Variants in GRK5 observed in about 807,000 individuals in gnomAD.
GRK5 encodes G protein-coupled receptor kinase 5.
GRK5 carries 40 observed loss-of-function variants against 78.4 expected under a neutral mutation model. The observed-to-expected ratio is 0.51, with a 90% CI of 0.40 to 0.66. The LOEUF (loss-of-function observed/expected upper bound fraction) is 0.66. Ranked by LOEUF, GRK5 falls within the 30% of genes least tolerant of loss-of-function variation. The pLI is 0.00. For synonymous variants in GRK5, 289 were observed against 296.8 expected (o/e 0.97, Z 0.27); for missense variants, 598 against 759.9 (o/e 0.79, Z 2.50).
chr10:119,254,058 C>T (rs1421372028), intron 1 of GRK5, among the ~76,000 whole-genome samples: 1 of 152,212 alleles, frequency 6.6e-6, no homozygotes, highest in Admixed American at 6.5e-5. Context: ...TTAAACCAAA[C>T]CACACCACAG....
At chr10:119,272,546 AG>A (rs1350605677) in intron 1 of GRK5, among the ~76,000 whole-genome samples, 7 of 144,610 alleles carry the variant, frequency 4.8e-5, no homozygotes, top group Admixed American at 2.2e-4. Context: ...GTTGCACTCC[AG>A]CCTGGATGAC....
chr10:119,256,901 ACCACGGTCCCTGGCAACCGCCAAT>A (rs1564865981), intron 1 of GRK5, among the ~76,000 whole-genome samples: 1 of 152,084 alleles, frequency 6.6e-6, no homozygotes, highest in East Asian at 1.9e-4. Flanking sequence ...ACTTGCCCCT[ACCACGGTCCCTGGCAACCGCCAAT>A]CTGGGTTGTC....
chr10:119,417,137 C>G (rs891643624), intron 4 of GRK5, among the ~76,000 whole-genome samples: 3 of 152,232 alleles, frequency 2.0e-5, no homozygotes, highest in African/African-American at 7.2e-5. Flanking sequence ...GGGCTGTCGC[C>G]TGCCCTTGTG....
rs1047807584 is a variant in GRK5 at position 119,445,386 on chromosome 10, G to C, written c.1266+1634G>C. On this transcript the variant is annotated intron_variant, in intron 12 of 15. Coordinates refer to ENST00000392870, the MANE Select transcript of GRK5 (RefSeq NM_005308.3). This position sits in a 1 kb window ranked among gnomAD's most constrained non-coding sequence, Gnocchi z 4.1. ...TTGAGAGATCTCAGCAGGGATATGG[G>C]ACGTACTAAGAGGATGACGAGGCGG... 1.5e-4 allele frequency among the ~76,000 whole-genome samples: 23 copies of C among 152,114 alleles called. No individual in the cohort carries two copies. Among genetic ancestry groups the C allele is most frequent in the African/African-American group, 5.1e-4 (21 of 41,416 alleles).
chr10:119,443,806 G>A, intron 12 of GRK5, 54 bp downstream of exon 12: 1 of 1,459,670 alleles, frequency 6.9e-7, no homozygotes, highest in Non-Finnish European at 9.3e-7. Flanking sequence ...CCCTCCCTGG[G>A]CCTGGCCCCA....
chr10:119,332,495 C>A (rs574434767), intron 2 of GRK5, among the ~76,000 whole-genome samples: 5 of 152,164 alleles, frequency 3.3e-5, no homozygotes, highest in Non-Finnish European at 5.9e-5. Flanking sequence ...TGATTTCTGC[C>A]GGTGACAAGT....
chr10:119,418,536 C>A (rs1436369301), intron 4 of GRK5, among the ~76,000 whole-genome samples: 1 of 152,206 alleles, frequency 6.6e-6, no homozygotes, highest in Non-Finnish European at 1.5e-5. Flanking sequence ...ATTACAGAGC[C>A]CTGCTCAGGG....
chr10:119,272,057 A>T (rs1047365279), intron 1 of GRK5, among the ~76,000 whole-genome samples: 1 of 152,194 alleles, frequency 6.6e-6, no homozygotes, highest in Non-Finnish European at 1.5e-5. Context: ...CTGTAGGCTG[A>T]CGCGGCCCTC....
chr10:119,405,908 C>A (rs370821014), intron 4 of GRK5, among the ~76,000 whole-genome samples: 19 of 152,272 alleles, frequency 1.2e-4, no homozygotes, highest in African/African-American at 4.6e-4. Context: ...TAAAAGGAAA[C>A]CTTGTACCAG....
At chr10:119,428,381 G>T (rs943537851) in intron 6 of GRK5, among the ~76,000 whole-genome samples, 1 of 152,224 alleles carries the variant, frequency 6.6e-6, no homozygotes, top group African/African-American at 2.4e-5. Flanking sequence ...TGGAGCAGTA[G>T]GTATTGTTAC....
At position 119,394,338 on chromosome 10, in the gene GRK5, G is replaced by A. The variant is rs1443941629; in HGVS notation, c.262-2357G>A. 1.2e-4 allele frequency among the ~76,000 whole-genome samples: 13 copies of A among 110,230 alleles called. 1 individual carries two copies. The highest frequency in any genetic ancestry group is 3.4e-4 in the East Asian group (1 of 2,906). 72.3% of individuals were successfully genotyped at this position (110,230 alleles called of 152,430 possible). ...CGTGGGTGTGTGTATCTGTGTGTCT[G>A]TGTGTGGGCATGTGGGTGTGTGGGT... On this transcript the variant is annotated intron_variant, in intron 3 of 15. Coordinates refer to ENST00000392870, the MANE Select transcript of GRK5 (RefSeq NM_005308.3).
At chr10:119,320,595 A>ATTCC in intron 1 of GRK5, among the ~76,000 whole-genome samples, 1 of 152,244 alleles carries the variant, frequency 6.6e-6, no homozygotes, top group Non-Finnish European at 1.5e-5. Flanking sequence ...ACCTCCAGGA[A>ATTCC]GGTAGAATTC....
At chr10:119,313,014 A>ATGCTGATGGTGG (rs1850395601) in intron 1 of GRK5, among the ~76,000 whole-genome samples, 2 of 5,194 alleles carry the variant, frequency 3.9e-4, no homozygotes, top group Admixed American at 1.8e-3. Context: ...CGTGACGGTG[A>ATGCTGATGGTGG]TGGTAGTGGT....
intron 4 of GRK5, among the ~76,000 whole-genome samples, chr10:119,413,399 G>A (rs1330286218): frequency 6.0e-5 from 9 of 150,950 alleles, no homozygotes; most frequent in African/African-American, 2.2e-4. Context: ...TCACACTCAT[G>A]CACACAGGCG....
Position 119,443,597 on chromosome 10 carries a change from C to A in GRK5, c.1111C>A (p.Leu371Ile), listed in dbSNP as rs1409175659. 6.2e-7 allele frequency: 1 copy of A among 1,613,556 alleles called. No homozygotes were observed. Among genetic ancestry groups the A allele is most frequent in the Admixed American group, 1.7e-5 (1 of 60,026 alleles). ...RYGLSPDYWG[L>I]GCLIYEMIEG... ...CGGCCTGAGCCCCGACTACTGGGGCCTTGGCTGCCTCATCTATGAGATGAT... is the reference window on the plus strand; with the variant it reads ...CGGCCTGAGCCCCGACTACTGGGGCATTGGCTGCCTCATCTATGAGATGAT... Residue 371 changes from leucine (L) to isoleucine (I), a missense_variant, in exon 12 of 16, where the codon CTT becomes ATT. Transcript: ENST00000392870.
chr10:119,442,642 T>G (rs533400198), intron 11 of GRK5, among the ~76,000 whole-genome samples: 97 of 152,302 alleles, frequency 6.4e-4, no homozygotes, highest in African/African-American at 1.8e-3. Flanking sequence ...GCCCTGGGCT[T>G]CCTCCTGTGC....
chr10:119,453,191 A>T lies in GRK5; in HGVS notation c.1589A>T (p.Asn530Ile), dbSNP rs762844113. ...CFKELNVFGPNGTLPPDLNRN... is the reference protein window; with the variant it reads ...CFKELNVFGPIGTLPPDLNRN... ...AAGGAGCTGAACGTGTTTGGACCTA[A>T]TGGTACCCTCCCGCCAGATCTGAAC... is the stretch of plus-strand genomic sequence containing the variant. The change falls in exon 15 of 16, where the codon AAT (asparagine) becomes ATT (isoleucine). Residue 530 changes from asparagine (N) to isoleucine (I), a missense_variant. Coordinates refer to ENST00000392870, the MANE Select transcript of GRK5 (RefSeq NM_005308.3). 6.3e-7 allele frequency: 1 copy of T among 1,594,034 alleles called. No homozygotes were observed. The highest frequency in any genetic ancestry group is 8.6e-7 in the Non-Finnish European group (1 of 1,161,890).
At chr10:119,282,339 G>C (rs1849775849) in intron 1 of GRK5, among the ~76,000 whole-genome samples, 1 of 152,206 alleles carries the variant, frequency 6.6e-6, no homozygotes, top group African/African-American at 2.4e-5. Flanking sequence ...CCAGACTGCA[G>C]CAGAGCTGTC....
intron 1 of GRK5, among the ~76,000 whole-genome samples, chr10:119,288,994 A>C (rs975892620): frequency 1.3e-5 from 2 of 152,178 alleles, no homozygotes. Flanking sequence ...ATTTTTCAAG[A>C]TTTCAAAAAA....
Sources: allele counts gnomAD v4.1 joint callset (sites outside exome capture counted in the v4.1 genomes callset), GRCh38; gene constraint gnomAD v4.1.1; non-coding constraint Gnocchi (gnomAD v3.1); transcripts MANE v1.5; gene names NCBI Gene and HGNC (gene_info 2026-07-23, HGNC 2026-07-21).